M1AP: variants seen among roughly 807,000 people sequenced by gnomAD.
M1AP encodes meiosis 1 arrest protein.
Under a neutral mutation model 51.2 loss-of-function variants are expected in M1AP, and 39 were observed. The ratio of observed to expected loss-of-function variants is 0.76; its 90% confidence interval spans 0.59 to 1.00. The LOEUF is 1.00. M1AP is among the 50% of genes least tolerant of loss of function. The probability of loss-of-function intolerance (pLI) is 0.00; values close to 1 mark genes in which losing one functional copy is unlikely to be tolerated. For synonymous variants in M1AP, 251 were observed against 249.2 expected (o/e 1.01, Z -0.07); for missense variants, 545 against 641.2 (o/e 0.85, Z 1.62).
intron 4 of M1AP, among the ~76,000 whole-genome samples, chr2:74,601,934 T>A: frequency 6.6e-6 from 1 of 152,164 alleles, no homozygotes; most frequent in Non-Finnish European, 1.5e-5. Context: ...TTAGACTGAT[T>A]GAAGGACACA....
chr2:74,619,028 C>T (rs1573157168), intron 2 of M1AP: 3 of 504,148 alleles, frequency 6.0e-6, no homozygotes, highest in East Asian at 5.6e-5. Context: ...TGTACTTCAT[C>T]GGCAGGAAAA....
chr2:74,601,137 A>T (rs1185305437), intron 4 of M1AP, among the ~76,000 whole-genome samples: 1 of 152,124 alleles, frequency 6.6e-6, no homozygotes, highest in Non-Finnish European at 1.5e-5. Context: ...TAAATGAGAA[A>T]TTTGTGGAAT....
chr2:74,596,999 A>T (rs576290596), intron 4 of M1AP, among the ~76,000 whole-genome samples: 2 of 152,310 alleles, frequency 1.3e-5, no homozygotes, highest in African/African-American at 4.8e-5. Flanking sequence ...TTTTTTGAGG[A>T]TGAGGGAAAT....
chr2:74,617,536 G>A (rs1490110286), intron 2 of M1AP, among the ~76,000 whole-genome samples: 2 of 152,236 alleles, frequency 1.3e-5, no homozygotes, highest in Non-Finnish European at 2.9e-5. Flanking sequence ...AGGGTGGAGT[G>A]TGGGAGGAGG....
intron 7 of M1AP, among the ~76,000 whole-genome samples, chr2:74,567,984 T>C (rs984829285): frequency 1.6e-4 from 25 of 152,260 alleles, no homozygotes; most frequent in Admixed American, 1.3e-4. Context: ...AAGCCTGTGA[T>C]TGACTAAGGC....
rs1393576577 is a variant in M1AP at position 74,639,380 on chromosome 2, T to A, written c.240+656A>T. Among the ~76,000 whole-genome samples, 6 of 152,230 alleles carry A rather than the reference T, an allele frequency of 3.9e-5. 1 individual carries two copies. The highest frequency in any genetic ancestry group is 8.8e-5 in the Non-Finnish European group (6 of 68,038). On this transcript the variant is annotated intron_variant, in intron 2 of 10. Transcript: ENST00000421985. ...CAAGGAAGGAGATGCATAGAACCTC[T>A]GGAAGTCTTTCTCTTCACTATGATT...
chr2:74,634,221 T>C (rs1316085478), intron 2 of M1AP, among the ~76,000 whole-genome samples: 2 of 152,164 alleles, frequency 1.3e-5, no homozygotes, highest in African/African-American at 4.8e-5. Context: ...CTGAATTGAG[T>C]GCCTGAAAAT....
chr2:74,584,990 G>T (rs1429790316), intron 4 of M1AP, among the ~76,000 whole-genome samples: 1 of 151,702 alleles, frequency 6.6e-6, no homozygotes, highest in East Asian at 1.9e-4. Context: ...GTACAGGTGT[G>T]AGCCACCACA....
chr2:74,586,254 C>T (rs764513620), intron 4 of M1AP, among the ~76,000 whole-genome samples: 5 of 152,202 alleles, frequency 3.3e-5, no homozygotes, highest in Non-Finnish European at 5.9e-5. Flanking sequence ...TTTGATCTCT[C>T]CCATTTAAAT....
intron 5 of M1AP, among the ~76,000 whole-genome samples, chr2:74,577,091 G>A (rs751101665): frequency 3.9e-5 from 6 of 152,228 alleles, no homozygotes; most frequent in Non-Finnish European, 8.8e-5. Flanking sequence ...TGAAGGAAGA[G>A]CAGTAAAGCA....
intron 4 of M1AP, among the ~76,000 whole-genome samples, chr2:74,591,862 T>A (rs1680058024): frequency 6.6e-6 from 1 of 152,194 alleles, no homozygotes; most frequent in African/African-American, 2.4e-5. Flanking sequence ...CTCAACTCAC[T>A]GCAACCTACA....
chr2:74,597,130 A>G (rs997525194), intron 4 of M1AP, among the ~76,000 whole-genome samples: 1 of 152,238 alleles, frequency 6.6e-6, no homozygotes, highest in Non-Finnish European at 1.5e-5. Flanking sequence ...TAAAGGAAGG[A>G]AAGGAAAAAT....
At chr2:74,612,287 T>C (rs112592856) in intron 3 of M1AP, among the ~76,000 whole-genome samples, 17 of 152,122 alleles carry the variant, frequency 1.1e-4, no homozygotes, top group South Asian at 1.0e-3. Context: ...GGTGTGATCA[T>C]AGCTCACTGC....
chr2:74,574,506 G>A (rs866173068), intron 7 of M1AP, among the ~76,000 whole-genome samples: 12 of 152,196 alleles, frequency 7.9e-5, no homozygotes, highest in African/African-American at 2.9e-4. Context: ...AAACCACCAC[G>A]GTCTCTTGAC....
intron 4 of M1AP, among the ~76,000 whole-genome samples, chr2:74,589,826 G>GT (rs1355978924): frequency 6.6e-6 from 1 of 152,196 alleles, no homozygotes. Context: ...ATAATTGACT[G>GT]TTAACTAAAG....
chr2:74,561,088 GAGAAGGAGAAGGAGGAGGAGGAGA>G (rs1677908100), intron 8 of M1AP, among the ~76,000 whole-genome samples: 2 of 105,374 alleles, frequency 1.9e-5, no homozygotes, highest in African/African-American at 4.3e-5. Flanking sequence ...GGAGGAGGAG[GAGAAGGAGAAGGAGGAGGAGGAGA>G]AGGAGGAGGA....
chr2:74,590,139 ACCAGTGGCT>A (rs1015785972), intron 4 of M1AP, among the ~76,000 whole-genome samples: 5 of 152,116 alleles, frequency 3.3e-5, no homozygotes, highest in Non-Finnish European at 7.4e-5. Flanking sequence ...AATACCACAA[ACCAGTGGCT>A]TATAAGCAAC....
intron 4 of M1AP, among the ~76,000 whole-genome samples, chr2:74,600,386 A>G (rs1305899537): frequency 6.6e-6 from 1 of 152,238 alleles, no homozygotes; most frequent in Non-Finnish European, 1.5e-5. Context: ...CTTTTCCTCA[A>G]GGCTCAGAAT....
At chr2:74,610,987 G>A (rs560622047) in intron 3 of M1AP, among the ~76,000 whole-genome samples, 1 of 152,314 alleles carries the variant, frequency 6.6e-6, no homozygotes, top group African/African-American at 2.4e-5. Context: ...ATTTGCATAT[G>A]TTGAACCATC....
Sources: gnomAD v4.1 joint callset for allele counts (sites outside exome capture counted in the v4.1 genomes callset) on GRCh38, gnomAD v4.1.1 for gene constraint, MANE v1.5 for transcripts, NCBI Gene and HGNC (gene_info 2026-07-23, HGNC 2026-07-21) for gene names.